The following ADGRL3 variants were observed in gnomAD, a reference collection of about 807,000 sequenced individuals.
ADGRL3 encodes calcium-independent alpha-latrotoxin receptor 3.
A neutral mutation model predicts 153.5 loss-of-function variants in ADGRL3; 62 were observed. The observed-to-expected ratio is 0.40, with a 90% CI of 0.33 to 0.50. ADGRL3 has a LOEUF of 0.50. Among genes scored for constraint, ADGRL3 ranks in the 20% least tolerant of loss-of-function variants. ADGRL3 has a pLI of 0.47. For missense variants in ADGRL3, 1,641 were observed against 1,859.4 expected, an observed-to-expected ratio of 0.88 and a Z score of 2.16; for synonymous variants, 710 against 672.5, an observed-to-expected ratio of 1.06 and a Z score of -0.86.
chr4:61,358,564 T>G (rs918735380), intron 1 of ADGRL3, among the ~76,000 whole-genome samples: 1 of 123,422 alleles, frequency 8.1e-6, no homozygotes, highest in African/African-American at 3.1e-5. Context: ...GCCACTGCAC[T>G]CCAGCCTGGG....
At chr4:61,546,333 G>A (rs1233393027) in intron 4 of ADGRL3, among the ~76,000 whole-genome samples, 2 of 152,076 alleles carry the variant, frequency 1.3e-5, no homozygotes, top group African/African-American at 4.8e-5. Context: ...TGCTCATGCT[G>A]GCTTGCACTG....
intron 1 of ADGRL3, among the ~76,000 whole-genome samples, chr4:61,237,294 A>G (rs1753209812): frequency 1.3e-5 from 2 of 152,134 alleles, no homozygotes; most frequent in Admixed American, 1.3e-4. Flanking sequence ...GCCATATTTT[A>G]TCCATACATA....
intron 2 of ADGRL3, among the ~76,000 whole-genome samples, chr4:61,476,643 A>G (rs1198725639): frequency 8.2e-6 from 1 of 121,738 alleles, no homozygotes; most frequent in African/African-American, 3.1e-5. Flanking sequence ...TGGGAGGTGG[A>G]GGTTGTGGTG....
intron 2 of ADGRL3, among the ~76,000 whole-genome samples, chr4:61,434,490 T>C (rs1002615682): frequency 6.6e-6 from 1 of 152,114 alleles, no homozygotes; most frequent in Non-Finnish European, 1.5e-5. Flanking sequence ...AGTGCATTCA[T>C]GTAGTGCTAA....
At chr4:61,284,816 T>A (rs2150048438) in intron 1 of ADGRL3, among the ~76,000 whole-genome samples, 1 of 151,652 alleles carries the variant, frequency 6.6e-6, no homozygotes, top group African/African-American at 2.4e-5. Flanking sequence ...AAATGGAAAA[T>A]AATTTATATA....
chr4:62,029,023 G>A, intron 22 of ADGRL3, 142 bp downstream of exon 22: 1 of 686,020 alleles, frequency 1.5e-6, no homozygotes, highest in Admixed American at 3.2e-5. Context: ...AAAATAATCT[G>A]GCATACAACC....
intron 8 of ADGRL3, among the ~76,000 whole-genome samples, chr4:61,806,002 C>G (rs2097548545): frequency 6.6e-6 from 1 of 152,104 alleles, no homozygotes; most frequent in Non-Finnish European, 1.5e-5. Flanking sequence ...CAATGTTTCT[C>G]TTTTTTATGA....
intron 1 of ADGRL3, among the ~76,000 whole-genome samples, chr4:61,252,080 GC>G (rs1290996810): frequency 2.0e-5 from 3 of 151,784 alleles, no homozygotes; most frequent in African/African-American, 7.2e-5. Flanking sequence ...GAAAGGTTTT[GC>G]CATGTTGGCC....
At position 61,497,163 on chromosome 4, in the gene ADGRL3, ATTCTTT is replaced by A. The variant is rs961203156; in HGVS notation, c.-122_-117del. The A allele has an allele frequency of 3.3e-5, 20 of 608,812 alleles. No individual in the cohort carries two copies. Among genetic ancestry groups the A allele is most frequent in the Middle Eastern group, 6.3e-4 (2 of 3,152 alleles). The allele number at this position is 608,812 out of a possible 1,614,324, so 37.7% of individuals were successfully genotyped here. A position where few individuals can be genotyped will look rare whatever the true frequency, so the allele number is the denominator to read the frequency against. On this transcript the variant is annotated 5_prime_UTR_variant, in exon 3 of 27. Transcript: ENST00000683033. ...TTGGTGTTTCTGTTTTGGAGAAATT[ATTCTTT>A]TTCTTTTTAATTTGAAGAAAAATCA... is the stretch of plus-strand genomic sequence containing the variant.
chr4:61,850,495 A>G (rs2098188889), intron 9 of ADGRL3, among the ~76,000 whole-genome samples: 1 of 152,184 alleles, frequency 6.6e-6, no homozygotes. Context: ...GACAAATTTA[A>G]CTTGAGTAAC....
At chr4:61,353,145 CT>C (rs2096084663) in intron 1 of ADGRL3, among the ~76,000 whole-genome samples, 1 of 151,992 alleles carries the variant, frequency 6.6e-6, no homozygotes, top group South Asian at 2.1e-4. Context: ...TTATATTGTC[CT>C]TTATTTGTGT....
At chr4:61,769,932 C>G (rs2097061744) in intron 8 of ADGRL3, among the ~76,000 whole-genome samples, 1 of 152,108 alleles carries the variant, frequency 6.6e-6, no homozygotes, top group South Asian at 2.1e-4. Flanking sequence ...ATATTCACTT[C>G]TTTTGTGATT....
At chr4:61,476,725 A>C (rs1420086227) in intron 2 of ADGRL3, among the ~76,000 whole-genome samples, 3 of 148,778 alleles carry the variant, frequency 2.0e-5, no homozygotes, top group East Asian at 2.0e-4. Flanking sequence ...AAAAAAAAAA[A>C]AAAAAAAAAA....
At chr4:61,910,159 TC>T (rs1373496263) in intron 12 of ADGRL3, among the ~76,000 whole-genome samples, 1 of 151,856 alleles carries the variant, frequency 6.6e-6, no homozygotes, top group Non-Finnish European at 1.5e-5. Flanking sequence ...ATGTTATAGA[TC>T]TTCTTGTGGA....
At chr4:61,934,792 T>C in intron 13 of ADGRL3, 48 bp from the exon 14 acceptor site, 1 of 1,469,570 alleles carries the variant, frequency 6.8e-7, no homozygotes, top group Non-Finnish European at 9.5e-7. Flanking sequence ...TTCTGACAGC[T>C]ATGTGGGTTC....
chr4:61,358,475 T>C (rs2096223534), intron 1 of ADGRL3, among the ~76,000 whole-genome samples: 1 of 151,614 alleles, frequency 6.6e-6, no homozygotes, highest in Non-Finnish European at 1.5e-5. Flanking sequence ...CGGGCGCCTG[T>C]AGTCCCAGCT....
At chr4:61,597,746 G>A (rs949275174) in intron 5 of ADGRL3, among the ~76,000 whole-genome samples, 2 of 150,852 alleles carry the variant, frequency 1.3e-5, no homozygotes, top group Non-Finnish European at 3.0e-5. Flanking sequence ...TCTGTTATAG[G>A]TGATATATAT....
rs151326106 is a variant in ADGRL3 at position 61,684,016 on chromosome 4, C to T, written c.583+7081C>T. ...AGAGAGGACAAGCTAGGTAATAAAT[C>T]GCATGGAGAATGTGAAACCAAAACC... On this transcript the variant is annotated intron_variant, in intron 6 of 26. Transcript: ENST00000683033. Among the ~76,000 whole-genome samples the T allele has an allele frequency of 8.4e-3, 1,285 of 152,172 alleles. 9 individuals carry two copies. The highest frequency in any genetic ancestry group is 0.014 in the Non-Finnish European group (944 of 67,998).
At chr4:61,562,882 C>T (rs2098800895) in intron 4 of ADGRL3, among the ~76,000 whole-genome samples, 1 of 148,406 alleles carries the variant, frequency 6.7e-6, no homozygotes, top group South Asian at 2.1e-4. Context: ...CAGTTCACAG[C>T]TGCAATGAGC....
Sources: gnomAD v4.1 joint callset for allele counts (sites outside exome capture counted in the v4.1 genomes callset) on GRCh38, gnomAD v4.1.1 for gene constraint, MANE v1.5 for transcripts, NCBI Gene and HGNC (gene_info 2026-07-23, HGNC 2026-07-21) for gene names.